The following CLEC16A variants were observed in gnomAD, a reference collection of about 807,000 sequenced individuals.
CLEC16A encodes C-type lectin domain containing 16A.
In CLEC16A, 51 loss-of-function variants were observed where a neutral mutation model predicts 109.5. That is an observed-to-expected ratio of 0.47 (90% CI 0.37 to 0.59). The LOEUF is 0.59. Ranked by LOEUF, CLEC16A falls within the 20% of genes least tolerant of loss-of-function variation. The pLI is 0.00. For synonymous variants in CLEC16A, 673 were observed against 564.2 expected (o/e 1.19, Z -2.73); for missense variants, 1,339 against 1,394.0 (o/e 0.96, Z 0.63).
At chr16:10,946,412 G>A (rs1171580867) in intron 1 of CLEC16A, among the ~76,000 whole-genome samples, 1 of 152,174 alleles carries the variant, frequency 6.6e-6, no homozygotes, top group Non-Finnish European at 1.5e-5. Flanking sequence ...GGAGCAGGAG[G>A]GTTCACTATG....
chr16:10,959,864 C>T (rs1412837072), intron 2 of CLEC16A, among the ~76,000 whole-genome samples: 1 of 151,942 alleles, frequency 6.6e-6, no homozygotes, highest in Non-Finnish European at 1.5e-5. Flanking sequence ...TCTTCCTCCT[C>T]AGCCTCCCAA....
chr16:11,173,468 G>T (rs1286502113), intron 23 of CLEC16A, among the ~76,000 whole-genome samples: 5 of 140,750 alleles, frequency 3.6e-5, no homozygotes, highest in Non-Finnish European at 7.6e-5. Flanking sequence ...CCTGGTCTCC[G>T]CTCTCCTGCT....
intron 10 of CLEC16A, among the ~76,000 whole-genome samples, chr16:11,002,628 C>T (rs534815276): frequency 6.6e-6 from 1 of 152,158 alleles, no homozygotes; most frequent in African/African-American, 2.4e-5. Flanking sequence ...CACCAAACAC[C>T]CTCCCATCAT....
intron 10 of CLEC16A, 58 bp downstream of exon 10, chr16:10,983,049 CTGTG>C (rs1567539829): frequency 1.1e-6 from 1 of 938,704 alleles, no homozygotes; most frequent in Admixed American, 1.9e-5. Context: ...TTTTGCTAAT[CTGTG>C]TGTTTCTCTA....
At chr16:11,004,291 G>C (rs1188544179) in intron 11 of CLEC16A, among the ~76,000 whole-genome samples, 1 of 152,180 alleles carries the variant, frequency 6.6e-6, no homozygotes, top group East Asian at 1.9e-4. Flanking sequence ...ACACAGCTGG[G>C]GTCTCTGCCC....
intron 18 of CLEC16A, among the ~76,000 whole-genome samples, chr16:11,054,853 T>G (rs2048125267): frequency 6.6e-6 from 1 of 152,154 alleles, no homozygotes; most frequent in Non-Finnish European, 1.5e-5. Flanking sequence ...AATTGAGGGC[T>G]TATGTGGTTC....
chr16:11,030,421 T>A (rs2046673005), intron 13 of CLEC16A, among the ~76,000 whole-genome samples: 1 of 152,210 alleles, frequency 6.6e-6, no homozygotes, highest in African/African-American at 2.4e-5. Context: ...TTTACCTCCT[T>A]TCCAACATTT....
intron 11 of CLEC16A, among the ~76,000 whole-genome samples, chr16:11,017,556 C>T (rs1177838573): frequency 1.3e-5 from 2 of 152,168 alleles, no homozygotes; most frequent in Non-Finnish European, 2.9e-5. Flanking sequence ...GACTTTCTTC[C>T]ACAGAGTATG....
At chr16:11,015,525 C>T (rs774481926) in intron 11 of CLEC16A, among the ~76,000 whole-genome samples, 5 of 152,308 alleles carry the variant, frequency 3.3e-5, no homozygotes, top group South Asian at 2.1e-4. Context: ...AGGGAGCCCA[C>T]GGCAGTCAGA....
At chr16:11,166,625 C>G in intron 23 of CLEC16A, 73 bp downstream of exon 23, 2 of 1,424,190 alleles carry the variant, frequency 1.4e-6, no homozygotes, top group Non-Finnish European at 1.9e-6. Context: ...ACCAAAACCC[C>G]TGACCTCCAG....
intron 9 of CLEC16A, among the ~76,000 whole-genome samples, chr16:10,980,885 A>G (rs751550322): frequency 6.6e-6 from 1 of 152,206 alleles, no homozygotes; most frequent in African/African-American, 2.4e-5. Context: ...ATCATTGCAT[A>G]CTTGCAAATT....
chr16:10,962,345 C>A, intron 2 of CLEC16A, 110 bp from the exon 3 acceptor site: 4 of 1,354,882 alleles, frequency 3.0e-6, no homozygotes, highest in Non-Finnish European at 4.2e-6. Flanking sequence ...GTGCAGATAC[C>A]TTGGGGGAGA....
chr16:11,100,258 A>G (rs551791478), intron 19 of CLEC16A, among the ~76,000 whole-genome samples: 2 of 152,228 alleles, frequency 1.3e-5, no homozygotes, highest in South Asian at 2.1e-4. Context: ...CTCACCACCT[A>G]TCATGCCCTC....
chr16:11,150,869 G>A (rs1346868838), intron 22 of CLEC16A, among the ~76,000 whole-genome samples: 1 of 152,142 alleles, frequency 6.6e-6, no homozygotes, highest in African/African-American at 2.4e-5. Flanking sequence ...GGCAATCTTT[G>A]CTACTTTTTG....
At chr16:11,100,956 C>T (rs1015133353) in intron 19 of CLEC16A, among the ~76,000 whole-genome samples, 2 of 152,144 alleles carry the variant, frequency 1.3e-5, no homozygotes, top group African/African-American at 2.4e-5. Flanking sequence ...TCTGTTGAGA[C>T]TGTGGCTGCG....
At chr16:11,057,337 A>G (rs1348054424) in intron 18 of CLEC16A, among the ~76,000 whole-genome samples, 1 of 152,258 alleles carries the variant, frequency 6.6e-6, no homozygotes, top group Non-Finnish European at 1.5e-5. Flanking sequence ...GTTCCAGGCC[A>G]GCTCGTGGGC....
intron 12 of CLEC16A, among the ~76,000 whole-genome samples, chr16:11,021,306 A>C (rs2046085015): frequency 6.6e-6 from 1 of 152,272 alleles, no homozygotes; most frequent in South Asian, 2.1e-4. Context: ...AAATAAAAAA[A>C]CAGTGGAGTA....
chr16:11,047,712 T>A, intron 17 of CLEC16A: 1 of 157,970 alleles, frequency 6.3e-6, no homozygotes. Context: ...ATTGTCCCTT[T>A]CTTGCTGAAT....
intron 22 of CLEC16A, among the ~76,000 whole-genome samples, chr16:11,156,081 G>A (rs1175276998): frequency 6.6e-6 from 1 of 152,272 alleles, no homozygotes; most frequent in Admixed American, 6.5e-5. Context: ...GGCGCTCCTG[G>A]CCGGGCATGG....
Sources: allele counts gnomAD v4.1 joint callset (sites outside exome capture counted in the v4.1 genomes callset), GRCh38; gene constraint gnomAD v4.1.1; transcripts MANE v1.5; gene names NCBI Gene and HGNC (gene_info 2026-07-23, HGNC 2026-07-21).